The following ASTN2 variants were observed in gnomAD, a reference collection of about 807,000 sequenced individuals.
The protein encoded by ASTN2 is astrotactin 2.
Under a neutral mutation model 139.8 loss-of-function variants are expected in ASTN2, and 54 were observed. That is an observed-to-expected ratio of 0.39 (90% CI 0.31 to 0.48). ASTN2 has a LOEUF of 0.48. ASTN2 is among the 20% of genes least tolerant of loss of function. The pLI, the probability that ASTN2 is intolerant of heterozygous loss-of-function variation, is 0.95. For missense variants in ASTN2, 1,565 were observed against 1,725.1 expected (o/e 0.91, Z 1.64); for synonymous variants, 756 against 719.5 (o/e 1.05, Z -0.81).
chr9:116,661,196 T>C (rs554093614), intron 16 of ASTN2, among the ~76,000 whole-genome samples: 39 of 151,638 alleles, frequency 2.6e-4, no homozygotes, highest in African/African-American at 9.3e-4. Context: ...ACAAGGCAGG[T>C]TGTGGCCAGT....
intron 3 of ASTN2, among the ~76,000 whole-genome samples, chr9:117,188,640 T>C (rs1317031530): frequency 3.9e-5 from 6 of 152,190 alleles, no homozygotes; most frequent in African/African-American, 1.4e-4. Flanking sequence ...GGATGGCTTC[T>C]AGCCAAGTTA....
At chr9:117,098,432 A>G (rs1335173060) in intron 4 of ASTN2, among the ~76,000 whole-genome samples, 2 of 152,192 alleles carry the variant, frequency 1.3e-5, no homozygotes, top group Admixed American at 6.5e-5. Flanking sequence ...TTGAAAGATT[A>G]ATATCTGCCT....
chr9:116,614,682 G>A (rs1855746637), intron 19 of ASTN2, among the ~76,000 whole-genome samples: 1 of 152,162 alleles, frequency 6.6e-6, no homozygotes, highest in Non-Finnish European at 1.5e-5. Flanking sequence ...GTAGAAAGCT[G>A]AAACTGGATC....
chr9:116,628,121 G>T (rs1008728579), intron 17 of ASTN2, among the ~76,000 whole-genome samples: 3 of 152,018 alleles, frequency 2.0e-5, no homozygotes, highest in Non-Finnish European at 4.4e-5. Context: ...GCAGATATTG[G>T]GATTTTTCAC....
At chr9:116,809,100 TG>T (rs2132252191) in intron 12 of ASTN2, among the ~76,000 whole-genome samples, 1 of 152,288 alleles carries the variant, frequency 6.6e-6, no homozygotes, top group African/African-American at 2.4e-5. Flanking sequence ...ATTTTAATCT[TG>T]CTTTTGATAT....
At position 116,505,301 on chromosome 9, in the gene ASTN2, GAA is replaced by G. The variant is rs1850060340; in HGVS notation, c.3356-17803_3356-17802del. ...GAATCCAGGGAGTCTCTGCTCTGTGGAAACAATGTTGGTTCCCGCTCAGCTTT... is the reference window on the plus strand; with the variant it reads ...GAATCCAGGGAGTCTCTGCTCTGTGGACAATGTTGGTTCCCGCTCAGCTTT... On this transcript the variant is annotated intron_variant, in intron 19 of 22. Coordinates refer to ENST00000313400, the MANE Select transcript of ASTN2 (RefSeq NM_001365068.1). Among the ~76,000 whole-genome samples the G allele has an allele frequency of 2.1e-4, 32 of 151,876 alleles. 1 individual carries two copies. The highest frequency in any genetic ancestry group is 2.1e-3 in the Admixed American group (32 of 15,206).
At chr9:116,679,600 A>G (rs917703068) in intron 16 of ASTN2, among the ~76,000 whole-genome samples, 3 of 152,174 alleles carry the variant, frequency 2.0e-5, no homozygotes, top group Non-Finnish European at 4.4e-5. Flanking sequence ...CACCACACCT[A>G]TTCCAAAATT....
At chr9:117,367,596 C>T (rs1829877914) in intron 1 of ASTN2, among the ~76,000 whole-genome samples, 1 of 152,084 alleles carries the variant, frequency 6.6e-6, no homozygotes, top group Non-Finnish European at 1.5e-5. Flanking sequence ...TCTGCCTTCC[C>T]TTCAGACGGT....
intron 10 of ASTN2, among the ~76,000 whole-genome samples, chr9:116,905,886 G>A (rs1424209950): frequency 6.7e-6 from 1 of 149,146 alleles, no homozygotes; most frequent in Non-Finnish European, 1.5e-5. Context: ...TGCGGGGGGT[G>A]TGCCGTTTAA....
At chr9:117,184,462 T>C (rs1270167637) in intron 3 of ASTN2, among the ~76,000 whole-genome samples, 1 of 152,166 alleles carries the variant, frequency 6.6e-6, no homozygotes, top group Admixed American at 6.5e-5. Context: ...GTGATATCTC[T>C]GTCTGCCGAC....
At chr9:116,846,000 C>G (rs1464508280) in intron 11 of ASTN2, among the ~76,000 whole-genome samples, 1 of 152,162 alleles carries the variant, frequency 6.6e-6, no homozygotes, top group Non-Finnish European at 1.5e-5. Context: ...CATATACACA[C>G]ACAATGGAAT....
intron 1 of ASTN2, among the ~76,000 whole-genome samples, chr9:117,338,860 C>G (rs943805702): frequency 6.6e-6 from 1 of 152,110 alleles, no homozygotes; most frequent in Non-Finnish European, 1.5e-5. Context: ...GCACACCTGT[C>G]CATGGGAACT....
intron 3 of ASTN2, among the ~76,000 whole-genome samples, chr9:117,149,619 TA>T (rs1830282740): frequency 6.6e-6 from 1 of 151,898 alleles, no homozygotes; most frequent in Non-Finnish European, 1.5e-5. Context: ...AGACCCAACA[TA>T]AATGCAAAAA....
At chr9:116,801,420 A>C (rs530606180) in intron 13 of ASTN2, among the ~76,000 whole-genome samples, 1 of 151,574 alleles carries the variant, frequency 6.6e-6, no homozygotes, top group African/African-American at 2.4e-5. Flanking sequence ...GTCTCTACTA[A>C]AAATACAAAA....
rs2130987748 is a variant in ASTN2 at position 117,414,296 on chromosome 9, T to G, written c.442+201A>C. 1.3e-5 allele frequency among the ~76,000 whole-genome samples: 2 copies of G among 152,120 alleles called. No homozygotes were observed. Among genetic ancestry groups the G allele is most frequent in the African/African-American group, 4.8e-5 (2 of 41,544 alleles). ...CGGGAGGGTTGGCACGCCCCCAGGC[T>G]CCCGCCGCGCGCTCTCCAGGACCTC... is the stretch of plus-strand genomic sequence containing the variant. On this transcript the variant is annotated intron_variant, in intron 1 of 22. Transcript: ENST00000313400. The surrounding 1 kb of genome is among the most constrained non-coding windows in gnomAD (Gnocchi z 4.2).
chr9:117,397,907 C>T (rs1488108047), intron 1 of ASTN2, among the ~76,000 whole-genome samples: 1 of 151,622 alleles, frequency 6.6e-6, no homozygotes, highest in Non-Finnish European at 1.5e-5. Context: ...GAGACACCCA[C>T]CCCCGACAGG....
intron 6 of ASTN2, among the ~76,000 whole-genome samples, chr9:117,010,623 T>C (rs1466237466): frequency 6.6e-6 from 1 of 152,144 alleles, no homozygotes; most frequent in African/African-American, 2.4e-5. Context: ...TAGCTTGATA[T>C]AAAGATTACA....
intron 10 of ASTN2, among the ~76,000 whole-genome samples, chr9:116,863,977 T>C (rs1457067628): frequency 6.6e-6 from 1 of 152,154 alleles, no homozygotes; most frequent in Non-Finnish European, 1.5e-5. Flanking sequence ...TACTTATGAT[T>C]CTTGGAGGTA....
chr9:117,082,172 G>A (rs892441850), intron 5 of ASTN2, among the ~76,000 whole-genome samples: 2 of 152,122 alleles, frequency 1.3e-5, no homozygotes, highest in African/African-American at 4.8e-5. Context: ...GTCCCCATCT[G>A]GATGGCTCAC....
Sources: allele counts gnomAD v4.1 joint callset (sites outside exome capture counted in the v4.1 genomes callset), GRCh38; gene constraint gnomAD v4.1.1; non-coding constraint Gnocchi (gnomAD v3.1); transcripts MANE v1.5; gene names NCBI Gene and HGNC (gene_info 2026-07-23, HGNC 2026-07-21).